The following GSG1 variants were observed in gnomAD, a reference collection of about 807,000 sequenced individuals.
GSG1 encodes germ cell associated 1, also known as germ cell-specific gene 1 protein.
A neutral mutation model predicts 30.8 loss-of-function variants in GSG1; 28 were observed. The ratio of observed to expected loss-of-function variants is 0.91; its 90% CI spans 0.67 to 1.25. The LOEUF (loss-of-function observed/expected upper bound fraction) is 1.25. GSG1 is among the 50% of genes most tolerant of loss of function. The pLI is 0.00. For synonymous variants in GSG1, 162 were observed against 178.0 expected, an observed-to-expected ratio of 0.91 and a Z score of 0.71; for missense variants, 435 against 444.7, an observed-to-expected ratio of 0.98 and a Z score of 0.20.
intron 2 of GSG1, 28 bp downstream of exon 2, chr12:13,090,475 T>G (rs1166524374): frequency 6.3e-7 from 1 of 1,584,890 alleles, no homozygotes; most frequent in African/African-American, 1.3e-5. Context: ...CTGACCCCGT[T>G]GCTCTTATAT....
Position 13,084,976 on chromosome 12 carries a change from G to A in GSG1, c.1014C>T (p.Asn338=), listed in dbSNP as rs776401638. The part of the protein sequence containing the change: ...EGVDFYSELR[N]KGFQRGASQE... ...GGCTGGCCCCTCTTTGAAATCCCTT[G>A]TTCCGCAGCTCGGAGTAGAAGTCGA... The change falls in exon 7 of 7, where the codon AAC becomes AAT. Residue 338 remains asparagine, a synonymous_variant. Transcript: ENST00000651961. 15 of 1,552,050 alleles carry A rather than the reference G, an allele frequency of 9.7e-6. No homozygotes were observed. In the South Asian group the frequency reaches 1.8e-4, roughly 18 times the overall value.
chr12:13,099,676 C>G (rs940909451), intron 1 of GSG1, among the ~76,000 whole-genome samples: 1 of 151,086 alleles, frequency 6.6e-6, no homozygotes, highest in Non-Finnish European at 1.5e-5. Context: ...AATGCTGAGC[C>G]GGAGAGCAGG....
rs149406730 is a variant in GSG1 at position 13,088,833 on chromosome 12, C to T, written c.481+29G>A. The T allele has an allele frequency of 9.8e-4, 1,581 of 1,614,166 alleles. 4 individuals carry two copies. The highest frequency in any genetic ancestry group is 1.2e-3 in the Non-Finnish European group (1,449 of 1,180,020). The stretch of plus-strand genomic sequence containing the variant: ...GAGTGGGGTGACATGGGCCTTGCAA[C>T]GTGGCAAATTCCAGTAGTCCTTTCT... On this transcript the variant is annotated intron_variant, in intron 4 of 6. Transcript: ENST00000651961.
chr12:13,090,005 C>T (rs1331170646), intron 2 of GSG1, among the ~76,000 whole-genome samples: 3 of 152,152 alleles, frequency 2.0e-5, no homozygotes, highest in African/African-American at 7.2e-5. Context: ...GCCAAGATCA[C>T]ACCATTGCAC....
chr12:13,089,653 C>T lies in GSG1; in HGVS notation c.365-377G>A, dbSNP rs374603881. ...CGGTTCCCCCACTTTTAAATGGTAG[C>T]GGTAATACTTAGAATGAGAAAATAC... On this transcript the variant is annotated intron_variant, in intron 2 of 6. Coordinates refer to ENST00000651961, the MANE Select transcript of GSG1 (RefSeq NM_001080555.4). Among the ~76,000 whole-genome samples the T allele has an allele frequency of 1.3e-4, 20 of 152,252 alleles. No individual in the cohort carries two copies. The South Asian group carries it at 2.7e-3, about 21-fold the overall frequency.
chr12:13,091,076 G>C (rs1409899521), intron 1 of GSG1, among the ~76,000 whole-genome samples: 5 of 152,158 alleles, frequency 3.3e-5, no homozygotes, highest in African/African-American at 4.8e-5. Context: ...AGCTCTCTCT[G>C]ACATTCTCCT....
rs1863038553 is a variant in GSG1 at position 13,099,756 on chromosome 12, T to TTTTTTG, written c.48+3708_48+3709insCAAAAA. On this transcript the variant is annotated intron_variant, in intron 1 of 6. Coordinates refer to ENST00000651961, the MANE Select transcript of GSG1 (RefSeq NM_001080555.4). ...GGATCCGGTGTTTTTTTTTGTTTTT[T>TTTTTTG]TTTTTTTTTTTTGTTTTTTCTTCAT... is the stretch of plus-strand genomic sequence containing the variant. Among the ~76,000 whole-genome samples the TTTTTTG allele has an allele frequency of 2.8e-5, 4 of 141,528 alleles. 1 individual carries two copies. The highest frequency in any genetic ancestry group is 5.3e-5 in the African/African-American group (2 of 37,898). 92.8% of individuals were successfully genotyped at this position (141,528 alleles called of 152,430 possible).
At position 13,090,603 on chromosome 12, in the gene GSG1, C is replaced by G. The variant is rs1220255081; in HGVS notation, c.264G>C (p.Glu88Asp). Residue 88 changes from glutamate (E) to aspartate (D), a missense_variant, in exon 2 of 7, where the codon GAG (glutamate) becomes GAC (aspartate). Transcript: ENST00000651961. Reference sequence around the variant, plus strand: ...CAGTCTCCCAGTTGTATTGTACCACCTCCTGGGTGGATGTGTTGGTATCTC... The same window carrying G: ...CAGTCTCCCAGTTGTATTGTACCACGTCCTGGGTGGATGTGTTGGTATCTC... The part of the protein sequence containing the change: ...LDGDTNTSTQ[E>D]VVQYNWETGD... 1.9e-6 allele frequency: 3 copies of G among 1,614,266 alleles called. No homozygotes were observed. The highest frequency in any genetic ancestry group is 3.3e-5 in the Admixed American group (2 of 60,030).
chr12:13,097,331 C>T (rs148219819), intron 1 of GSG1, among the ~76,000 whole-genome samples: 10 of 152,228 alleles, frequency 6.6e-5, no homozygotes, highest in African/African-American at 2.4e-4. Flanking sequence ...AGACAGCTCC[C>T]TCCTCATGAT....
intron 1 of GSG1, among the ~76,000 whole-genome samples, chr12:13,099,076 T>C (rs533842714): frequency 2.8e-4 from 42 of 152,310 alleles, no homozygotes; most frequent in Non-Finnish European, 5.9e-4. Flanking sequence ...TTTGTGTGTG[T>C]ACTTGGCTGC....
chr12:13,087,461 C>A (rs1255428396), intron 5 of GSG1, among the ~76,000 whole-genome samples, 198 bp from the exon 6 acceptor site: 3 of 152,186 alleles, frequency 2.0e-5, no homozygotes, highest in African/African-American at 7.2e-5. Flanking sequence ...CAATAGGTGA[C>A]CCCAGACTGT....
At chr12:13,092,914 C>T (rs1211155863) in intron 1 of GSG1, among the ~76,000 whole-genome samples, 2 of 151,982 alleles carry the variant, frequency 1.3e-5, no homozygotes, top group Admixed American at 1.3e-4. Context: ...GCCTCAGCCT[C>T]CCGAGTAGCT....
intron 1 of GSG1, chr12:13,095,686 G>T: frequency 6.2e-7 from 1 of 1,611,216 alleles, no homozygotes; most frequent in Admixed American, 1.7e-5. Context: ...AATGTTGCAA[G>T]AATGCAAACT....
intron 1 of GSG1, among the ~76,000 whole-genome samples, chr12:13,095,081 A>C (rs1285184192): frequency 1.3e-5 from 2 of 152,182 alleles, no homozygotes; most frequent in Non-Finnish European, 2.9e-5. Flanking sequence ...GACACAAGGA[A>C]CCTCATTCAA....
At chr12:13,095,163 A>G (rs1480792337) in intron 1 of GSG1, among the ~76,000 whole-genome samples, 1 of 152,218 alleles carries the variant, frequency 6.6e-6, no homozygotes. Flanking sequence ...CACCTATAGT[A>G]CCATGCCCTT....
At chr12:13,099,326 C>T (rs1046567056) in intron 1 of GSG1, among the ~76,000 whole-genome samples, 3 of 152,146 alleles carry the variant, frequency 2.0e-5, no homozygotes, top group East Asian at 1.9e-4. Flanking sequence ...TAATTAGGTT[C>T]GGCTCAGAAG....
At position 13,085,151 on chromosome 12, in the gene GSG1, T is replaced by C; in HGVS notation, c.839A>G (p.His280Arg). The change falls in exon 7 of 7, where the codon CAT (histidine) becomes CGT (arginine). Residue 280 changes from histidine to arginine, a missense_variant. Transcript: ENST00000651961. ...CGGGTTTTCCTTGAAGCTCTTACTA[T>C]GCTTGCACTTGAACTCCAGCACCAT... is the stretch of plus-strand genomic sequence containing the variant. ...TRMVLEFKCK[H>R]SKSFKENPNC... 6.2e-7 allele frequency: 1 copy of C among 1,614,206 alleles called. No homozygotes were observed. Among genetic ancestry groups the C allele is most frequent in the Non-Finnish European group, 8.5e-7 (1 of 1,180,024 alleles).
At chr12:13,099,759 T>TTTTGTTTG (rs1555128124) in intron 1 of GSG1, among the ~76,000 whole-genome samples, 14 of 144,798 alleles carry the variant, frequency 9.7e-5, no homozygotes, top group Non-Finnish European at 1.8e-4. Context: ...TGTTTTTTTT[T>TTTTGTTTG]TTTTTTTTTG....
rs1308679271 is a variant in GSG1 at position 13,084,979 on chromosome 12, C to A, written c.1011G>T (p.Arg337=). 1.3e-6 allele frequency: 2 copies of A among 1,552,280 alleles called. No individual in the cohort carries two copies. Among genetic ancestry groups the A allele is most frequent in the Non-Finnish European group, 1.7e-6 (2 of 1,147,224 alleles). The change falls in exon 7 of 7, where the codon CGG becomes CGT. Residue 337 remains arginine (R), a synonymous_variant. Transcript: ENST00000651961. ...TGGCCCCTCTTTGAAATCCCTTGTT[C>A]CGCAGCTCGGAGTAGAAGTCGACTC... ...SEGVDFYSEL[R]NKGFQRGASQ... is the part of the protein sequence containing the mutation.
Sources: allele counts gnomAD v4.1 joint callset (sites outside exome capture counted in the v4.1 genomes callset), GRCh38; gene constraint gnomAD v4.1.1; transcripts MANE v1.5; gene names NCBI Gene and HGNC (gene_info 2026-07-23, HGNC 2026-07-21).